PPTC7: variants seen among roughly 807,000 people sequenced by gnomAD.
PPTC7 encodes the protein protein phosphatase targeting COQ7, also known as protein phosphatase PTC7 homolog.
In PPTC7, 6 loss-of-function variants were observed where a neutral mutation model predicts 30.8. The ratio of observed to expected loss-of-function variants is 0.19; its 90% confidence interval spans 0.11 to 0.38. The LOEUF is 0.38. Ranked by LOEUF, PPTC7 falls within the 10% of genes least tolerant of loss-of-function variation. The pLI is 1.00. For synonymous variants in PPTC7, 163 were observed against 168.1 expected (o/e 0.97, Z 0.23); for missense variants, 218 against 404.8 (o/e 0.54, Z 3.96).
At position 110,561,787 on chromosome 12, in the gene PPTC7, G is replaced by A. The variant is rs573883773; in HGVS notation, c.224-9819C>T. On this transcript the variant is annotated intron_variant, in intron 1 of 5. Coordinates refer to ENST00000354300, the MANE Select transcript of PPTC7 (RefSeq NM_139283.2). ...ACCTGGGCAACATGGTAAAACCTCC[G>A]TCTCTACTAAAAATACAAAAAATTA... is the stretch of plus-strand genomic sequence containing the variant. Among the ~76,000 whole-genome samples the A allele has an allele frequency of 5.9e-5, 9 of 152,040 alleles. No homozygotes were observed. In the South Asian group the frequency reaches 1.5e-3, roughly 25 times the overall value.
At chr12:110,549,808 G>C (rs2064337050) in intron 2 of PPTC7, among the ~76,000 whole-genome samples, 1 of 152,110 alleles carries the variant, frequency 6.6e-6, no homozygotes, top group Admixed American at 6.6e-5. Context: ...AATGATCGGG[G>C]GTCAGAGGGT....
chr12:110,537,556 TAAAATTATACC>T (rs2064228547), intron 5 of PPTC7, among the ~76,000 whole-genome samples: 1 of 152,228 alleles, frequency 6.6e-6, no homozygotes, highest in South Asian at 2.1e-4. Flanking sequence ...TCACATGTCA[TAAAATTATACC>T]AACAAGAAAC....
chr12:110,563,336 G>A (rs2064454362), intron 1 of PPTC7, among the ~76,000 whole-genome samples: 1 of 152,016 alleles, frequency 6.6e-6, no homozygotes, highest in Admixed American at 6.6e-5. Flanking sequence ...TGTGAAAATG[G>A]CCGCATGAGG....
Position 110,539,917 on chromosome 12 carries a change from C to A in PPTC7, c.631G>T (p.Asp211Tyr), listed in dbSNP as rs144481515. The part of the protein sequence containing the change: ...SPDAADSTSF[D>Y]VQLGDIILTA... ...AGGATAATGTCTCCTAGCTGGACAT[C>A]GAAAGACGTGCTATCAGCAGCATCC... The change falls in exon 4 of 6, where the codon GAT (aspartate) becomes TAT (tyrosine). Residue 211 changes from aspartate (D) to tyrosine (Y), a missense_variant. Asp to Tyr is a radical substitution (Grantham distance 160). Coordinates refer to ENST00000354300, the MANE Select transcript of PPTC7 (RefSeq NM_139283.2). 4 of 1,613,886 alleles carry A rather than the reference C, an allele frequency of 2.5e-6. No individual in the cohort carries two copies. The highest frequency in any genetic ancestry group is 2.7e-5 in the African/African-American group (2 of 74,898).
chr12:110,559,332 T>C (rs2064417696), intron 1 of PPTC7, among the ~76,000 whole-genome samples: 1 of 152,096 alleles, frequency 6.6e-6, no homozygotes, highest in African/African-American at 2.4e-5. Flanking sequence ...GCCTGGTTTC[T>C]ACAGTTAAGA....
At position 110,545,864 on chromosome 12, in the gene PPTC7, T is replaced by C. The variant is rs187476739; in HGVS notation, c.602+16A>G. ...CCACGTCCTGCTCACACTTAATGGCTGAGAGGGGAGATTACCTGTCGCTCA... is the reference window on the plus strand; with the variant it reads ...CCACGTCCTGCTCACACTTAATGGCCGAGAGGGGAGATTACCTGTCGCTCA... On this transcript the variant is annotated intron_variant, in intron 3 of 5. Coordinates refer to ENST00000354300, the MANE Select transcript of PPTC7 (RefSeq NM_139283.2). The C allele has an allele frequency of 6.2e-7, 1 of 1,612,306 alleles. No individual in the cohort carries two copies. Among genetic ancestry groups the C allele is most frequent in the Non-Finnish European group, 8.5e-7 (1 of 1,179,520 alleles).
intron 1 of PPTC7, among the ~76,000 whole-genome samples, chr12:110,578,254 A>G (rs748167380): frequency 3.3e-5 from 5 of 152,204 alleles, no homozygotes; most frequent in Non-Finnish European, 7.3e-5. Flanking sequence ...AGGTATTACA[A>G]CATGCAGTTC....
intron 1 of PPTC7, among the ~76,000 whole-genome samples, chr12:110,563,642 A>G (rs1307346202): frequency 6.6e-6 from 1 of 152,078 alleles, no homozygotes; most frequent in Non-Finnish European, 1.5e-5. Flanking sequence ...GTGAAAATGG[A>G]AACTATAGGC....
intron 1 of PPTC7, among the ~76,000 whole-genome samples, chr12:110,567,206 T>C (rs1326415473): frequency 6.6e-6 from 1 of 152,216 alleles, no homozygotes; most frequent in Non-Finnish European, 1.5e-5. Context: ...GCCTAGTACC[T>C]GGCTCAATGA....
chr12:110,554,201 G>C (rs144873359), intron 1 of PPTC7, among the ~76,000 whole-genome samples: 1 of 152,166 alleles, frequency 6.6e-6, no homozygotes, highest in East Asian at 1.9e-4. Flanking sequence ...AGAGACAGTG[G>C]CTTGTTCTGT....
At chr12:110,540,779 C>CTTT (rs781591348) in intron 3 of PPTC7, among the ~76,000 whole-genome samples, 2 of 142,158 alleles carry the variant, frequency 1.4e-5, no homozygotes, top group African/African-American at 5.1e-5. Flanking sequence ...ACATGCCAAT[C>CTTT]TTTTTTTTTT....
intron 1 of PPTC7, among the ~76,000 whole-genome samples, chr12:110,560,082 T>C (rs1215158379): frequency 1.3e-5 from 2 of 152,160 alleles, no homozygotes; most frequent in Non-Finnish European, 2.9e-5. Context: ...TTTTTGTCTT[T>C]GCCAAAATGG....
chr12:110,581,498 C>G (rs1223937059), intron 1 of PPTC7, among the ~76,000 whole-genome samples: 1 of 152,108 alleles, frequency 6.6e-6, no homozygotes, highest in Non-Finnish European at 1.5e-5. Flanking sequence ...TGACAGCTGA[C>G]TTCGGGGTGG....
chr12:110,575,796 A>G (rs1199320028), intron 1 of PPTC7, among the ~76,000 whole-genome samples: 1 of 152,158 alleles, frequency 6.6e-6, no homozygotes, highest in Non-Finnish European at 1.5e-5. Flanking sequence ...ACTGTAAGTT[A>G]GGAAAATTTT....
At chr12:110,541,254 C>T (rs190903707) in intron 3 of PPTC7, among the ~76,000 whole-genome samples, 57 of 151,838 alleles carry the variant, frequency 3.8e-4, no homozygotes, top group Middle Eastern at 6.9e-3. Flanking sequence ...TGGTGGCACA[C>T]GCTTGTGATC....
rs939138846 is a variant in PPTC7, at chr12:110,535,066, T to C, written c.*1971A>G. The C allele has an allele frequency of 2.0e-5, 3 of 152,654 alleles. No homozygotes were observed. Among genetic ancestry groups the C allele is most frequent in the African/African-American group, 7.2e-5 (3 of 41,452 alleles). The allele number at this position is 152,654 out of a possible 1,614,324, so 9.5% of individuals were successfully genotyped here. ...CAAAACCCTTCTGGATGCAACTTTCTTTACTTTTTAAATACACAGAGACTG... is the reference window on the plus strand; with the variant it reads ...CAAAACCCTTCTGGATGCAACTTTCCTTACTTTTTAAATACACAGAGACTG... On this transcript the variant is annotated 3_prime_UTR_variant, in exon 6 of 6. Coordinates refer to ENST00000354300, the MANE Select transcript of PPTC7 (RefSeq NM_139283.2).
intron 1 of PPTC7, among the ~76,000 whole-genome samples, chr12:110,564,262 G>A (rs970522556): frequency 2.0e-5 from 3 of 152,206 alleles, no homozygotes; most frequent in Admixed American, 1.3e-4. Context: ...ATGAATAGCA[G>A]AGACAGGGCA....
At chr12:110,579,405 T>C (rs1424337640) in intron 1 of PPTC7, among the ~76,000 whole-genome samples, 1 of 152,178 alleles carries the variant, frequency 6.6e-6, no homozygotes, top group Non-Finnish European at 1.5e-5. Context: ...AACCACCTTT[T>C]GGTCACATCA....
At chr12:110,579,958 A>G (rs2064623087) in intron 1 of PPTC7, among the ~76,000 whole-genome samples, 3 of 151,974 alleles carry the variant, frequency 2.0e-5, no homozygotes, top group Admixed American at 2.0e-4. Context: ...GGTTGCAGTG[A>G]GCCGAGATGG....
Sources: allele counts gnomAD v4.1 joint callset (sites outside exome capture counted in the v4.1 genomes callset), GRCh38; gene constraint gnomAD v4.1.1; transcripts MANE v1.5; gene names NCBI Gene and HGNC (gene_info 2026-07-23, HGNC 2026-07-21).